C16orf92: variants seen among roughly 807,000 people sequenced by gnomAD.
The protein encoded by C16orf92 is fertilization-influencing membrane protein 1.
In C16orf92, 14 loss-of-function variants were observed where a neutral mutation model predicts 13.7. That is an observed-to-expected ratio of 1.02 (90% confidence interval 0.67 to 1.60). The LOEUF (loss-of-function observed/expected upper bound fraction) is 1.60, where lower values mean the gene tolerates loss of function less well. C16orf92 is among the 40% of genes most tolerant of loss of function. The pLI is 0.00. For missense variants in C16orf92, 116 were observed against 139.0 expected (o/e 0.83, Z 0.83); for synonymous variants, 50 against 57.4 (o/e 0.87, Z 0.58).
At chr16:30,023,692 C>T (rs1367459419) in intron 1 of C16orf92, 35 bp from the exon 2 acceptor site, 3 of 1,614,000 alleles carry the variant, frequency 1.9e-6, no homozygotes, top group Middle Eastern at 1.6e-4. Context: ...CAGGGGTCAG[C>T]TTGGCTGTTG....
chr16:30,027,133 A>C, downstream of C16orf92: 2 of 526,376 alleles, frequency 3.8e-6, no homozygotes, highest in Non-Finnish European at 3.7e-6. Context: ...CACAGACCAA[A>C]AGGCACAGAT....
downstream of C16orf92, chr16:30,025,685 A>T (rs756060025): frequency 3.8e-6 from 6 of 1,595,640 alleles, no homozygotes; most frequent in Non-Finnish European, 5.2e-6. The surrounding 1 kb of genome is among the most constrained non-coding windows in gnomAD (Gnocchi z 4.1). Context: ...CCTTCCTGTG[A>T]CCTCCCCATT....
Position 30,024,487 on chromosome 16 carries a change from A to C in C16orf92, c.*260A>C. 1.8e-6 allele frequency: 1 copy of C among 546,842 alleles called. No homozygotes were observed. Among genetic ancestry groups the C allele is most frequent in the Non-Finnish European group, 3.2e-6 (1 of 309,810 alleles). 33.9% of individuals were successfully genotyped at this position (546,842 alleles called of 1,614,324 possible). A position where few individuals can be genotyped will look rare whatever the true frequency, so the allele number is the denominator to read the frequency against. On this transcript the variant is annotated 3_prime_UTR_variant, in exon 4 of 4. Transcript: ENST00000681219. ...GTAAAGCACCTCCCAGGGTCCCCCG[A>C]CCCCAGATTGGAGGAAGCCTTGAGA...
chr16:30,025,367 G>A (rs2071072168), downstream of C16orf92: 25 of 1,605,172 alleles, frequency 1.6e-5, no homozygotes, highest in Non-Finnish European at 2.1e-5. This position sits in a 1 kb window ranked among gnomAD's most constrained non-coding sequence, Gnocchi z 4.1. Context: ...GCGCCCGTAG[G>A]CCCAGTACAG....
chr16:30,025,463 T>C (rs779927575), downstream of C16orf92: 8 of 1,611,990 alleles, frequency 5.0e-6, no homozygotes, highest in South Asian at 8.8e-5. The surrounding 1 kb of genome is among the most constrained non-coding windows in gnomAD (Gnocchi z 4.1). Context: ...GTGCTGCTGC[T>C]TGTACTGAGG....
At chr16:30,024,757 C>T (rs982506064), downstream of C16orf92, 3 of 193,528 alleles carry the variant, frequency 1.6e-5, no homozygotes, top group African/African-American at 2.3e-5. Context: ...TCGGGAGGCC[C>T]GAGGGCCAGC....
downstream of C16orf92, chr16:30,026,558 AC>A (rs1268874999): frequency 6.6e-7 from 1 of 1,522,264 alleles, no homozygotes; most frequent in Admixed American, 1.7e-5. Context: ...CACCAGCAGG[AC>A]CAAGGAGCAG....
downstream of C16orf92, chr16:30,026,529 C>T: frequency 1.6e-6 from 2 of 1,285,040 alleles, no homozygotes; most frequent in Non-Finnish European, 1.1e-6. Flanking sequence ...AGACCCGGGG[C>T]TTCCCAGGCT....
chr16:30,025,075 G>A (rs538093249), downstream of C16orf92: 2 of 730,744 alleles, frequency 2.7e-6, no homozygotes, highest in African/African-American at 3.6e-5. This position sits in a 1 kb window ranked among gnomAD's most constrained non-coding sequence, Gnocchi z 4.1. Context: ...CGTCAGTCCT[G>A]GGGTTGTCCG....
chr16:30,027,689 G>A (rs930329289), downstream of C16orf92: 6 of 455,074 alleles, frequency 1.3e-5, no homozygotes, highest in East Asian at 2.8e-4. Context: ...AAACAAAAAC[G>A]AGAAATGGAT....
downstream of C16orf92, chr16:30,027,071 T>C: frequency 1.5e-6 from 1 of 652,042 alleles, no homozygotes; most frequent in Non-Finnish European, 2.8e-6. Context: ...CTCACCCATG[T>C]TCCTCTCTCT....
At chr16:30,026,839 AGT>A, downstream of C16orf92, 1 of 1,613,802 alleles carries the variant, frequency 6.2e-7, no homozygotes, top group Non-Finnish European at 8.5e-7. Flanking sequence ...GAGGACAGCC[AGT>A]GTCTGTTGGG....
At chr16:30,025,066 G>T, downstream of C16orf92, 1 of 669,242 alleles carries the variant, frequency 1.5e-6, no homozygotes, top group Non-Finnish European at 2.4e-6. The surrounding 1 kb of genome is among the most constrained non-coding windows in gnomAD (Gnocchi z 4.1). Context: ...CGGGGTCATC[G>T]TCAGTCCTGG....
chr16:30,023,961 C>A (rs750199759), intron 2 of C16orf92, 38 bp from the exon 3 acceptor site: 7 of 1,594,288 alleles, frequency 4.4e-6, no homozygotes, highest in Non-Finnish European at 8.6e-7. Flanking sequence ...CTTCATTGGG[C>A]CATCAGAGGG....
chr16:30,027,569 C>A (rs1180617046), downstream of C16orf92: 1 of 456,104 alleles, frequency 2.2e-6, no homozygotes, highest in Non-Finnish European at 4.4e-6. Context: ...CCCAAAGTCA[C>A]CCAATCTCTT....
chr16:30,026,566 G>T, downstream of C16orf92: 2 of 1,559,246 alleles, frequency 1.3e-6, no homozygotes, highest in Non-Finnish European at 1.8e-6. Context: ...GGACCAAGGA[G>T]CAGGCCACCC....
At chr16:30,026,637 A>G (rs751040812), downstream of C16orf92, 1 of 1,611,772 alleles carries the variant, frequency 6.2e-7, no homozygotes, top group East Asian at 2.2e-5. Flanking sequence ...CACCAGCACC[A>G]TGGCGGCATG....
At chr16:30,025,154 G>A (rs1315745460), downstream of C16orf92, 2 of 1,339,540 alleles carry the variant, frequency 1.5e-6, no homozygotes, top group African/African-American at 1.5e-5. This position sits in a 1 kb window ranked among gnomAD's most constrained non-coding sequence, Gnocchi z 4.1. Flanking sequence ...GGGTGGGGGT[G>A]GGGAGGGGGA....
downstream of C16orf92, chr16:30,027,111 C>A (rs1033359517): frequency 1.7e-6 from 1 of 572,724 alleles, no homozygotes; most frequent in Non-Finnish European, 3.3e-6. Context: ...AAAGAAAAGA[C>A]CAGAAGATGC....
Sources: allele counts gnomAD v4.1 joint callset, GRCh38; gene constraint gnomAD v4.1.1; non-coding constraint Gnocchi (gnomAD v3.1); transcripts MANE v1.5; gene names NCBI Gene and HGNC (gene_info 2026-07-23, HGNC 2026-07-21).